The following TULP4 variants were observed in gnomAD, a reference collection of about 807,000 sequenced individuals.
TULP4 encodes the protein tubby-related protein 4.
In TULP4, 16 loss-of-function variants were observed where a neutral mutation model predicts 129.0. That is an observed-to-expected ratio of 0.12 (90% CI 0.08 to 0.19). The LOEUF (loss-of-function observed/expected upper bound fraction) is 0.19. Among genes scored for constraint, TULP4 ranks in the 10% least tolerant of loss-of-function variants. The pLI, the probability that TULP4 is intolerant of heterozygous loss-of-function variation, is 1.00. For missense variants in TULP4, 1,842 were observed against 2,059.1 expected, an observed-to-expected ratio of 0.89 and a Z score of 2.04; for synonymous variants, 998 against 854.0, an observed-to-expected ratio of 1.17 and a Z score of -2.94.
At chr6:158,309,438 C>A (rs1237930892), upstream of TULP4, among the ~76,000 whole-genome samples, 64 of 147,442 alleles carry the variant, frequency 4.3e-4, no homozygotes, top group Admixed American at 1.1e-3. Context: ...CTCCTCACGT[C>A]CCAGACGATG....
At chr6:158,396,804 G>A (rs1014982817) in intron 1 of TULP4, among the ~76,000 whole-genome samples, 3 of 152,122 alleles carry the variant, frequency 2.0e-5, no homozygotes, top group Non-Finnish European at 4.4e-5. Flanking sequence ...AAGGAGGAAA[G>A]GTTTAACTTC....
At chr6:158,447,201 TC>T (rs1482548912) in intron 3 of TULP4, among the ~76,000 whole-genome samples, 1 of 152,226 alleles carries the variant, frequency 6.6e-6, no homozygotes, top group African/African-American at 2.4e-5. Context: ...TTCCAGGATT[TC>T]AGCAGGTCCG....
At chr6:158,327,364 C>A (rs984958744) in intron 1 of TULP4, among the ~76,000 whole-genome samples, 16 of 152,156 alleles carry the variant, frequency 1.1e-4, no homozygotes, top group African/African-American at 3.6e-4. Flanking sequence ...AGTTCCAGGG[C>A]TTTTTGGTTG....
At chr6:158,260,260 G>A (rs1055647059) in intron 1 of TULP4, among the ~76,000 whole-genome samples, 12 of 152,092 alleles carry the variant, frequency 7.9e-5, no homozygotes, top group African/African-American at 1.9e-4. Context: ...AAGAGTTTTC[G>A]GAGTTCTGTG....
intron 1 of TULP4, among the ~76,000 whole-genome samples, chr6:158,367,225 G>A (rs948804605): frequency 1.3e-5 from 2 of 152,176 alleles, no homozygotes; most frequent in African/African-American, 4.8e-5. Context: ...GGGCACTGAG[G>A]ACTCATTTGT....
chr6:158,281,276 C>T (rs9356565), upstream of TULP4, among the ~76,000 whole-genome samples: 49,308 of 150,628 alleles, frequency 0.33, 9,057 homozygotes, highest in Admixed American at 0.45. Context: ...TGCAGTGGCA[C>T]GATCTCTGCT....
chr6:158,365,671 C>T (rs1780924875), intron 1 of TULP4, among the ~76,000 whole-genome samples: 1 of 151,212 alleles, frequency 6.6e-6, no homozygotes, highest in Non-Finnish European at 1.5e-5. Context: ...GGGGGTTTCA[C>T]CATGTTAGCC....
chr6:158,350,302 G>A (rs1290836621), intron 1 of TULP4, among the ~76,000 whole-genome samples: 4 of 138,416 alleles, frequency 2.9e-5, no homozygotes, highest in Admixed American at 7.4e-5. Flanking sequence ...AGGCAGAGAC[G>A]CTGCTCACTT....
At chr6:158,252,186 G>A (rs182731053) in intron 1 of TULP4, among the ~76,000 whole-genome samples, 45 of 152,140 alleles carry the variant, frequency 3.0e-4, no homozygotes, top group Admixed American at 2.0e-3. Context: ...TTTCATGGTT[G>A]GTTGCCTTGT....
At chr6:158,411,320 T>TG (rs1469577787) in intron 1 of TULP4, among the ~76,000 whole-genome samples, 2 of 151,982 alleles carry the variant, frequency 1.3e-5, no homozygotes, top group Non-Finnish European at 2.9e-5. Flanking sequence ...CACAGACCTG[T>TG]GGGGGGTGGG....
At chr6:158,441,079 G>T (rs983346397) in intron 3 of TULP4, among the ~76,000 whole-genome samples, 14 of 152,160 alleles carry the variant, frequency 9.2e-5, no homozygotes, top group African/African-American at 3.4e-4. Context: ...CACTTTGGGA[G>T]GCTGAGGGGG....
intron 3 of TULP4, among the ~76,000 whole-genome samples, chr6:158,433,685 A>T (rs1778686847): frequency 6.6e-6 from 1 of 152,226 alleles, no homozygotes; most frequent in South Asian, 2.1e-4. Flanking sequence ...CCAGCCTGGT[A>T]ACAAGAGGGA....
chr6:158,345,226 C>T (rs1780272802), intron 1 of TULP4, among the ~76,000 whole-genome samples: 1 of 152,202 alleles, frequency 6.6e-6, no homozygotes, highest in Admixed American at 6.5e-5. Flanking sequence ...TGGCTCACTG[C>T]AGCCTCAAAC....
At chr6:158,450,631 G>C (rs1779143602) in intron 4 of TULP4, among the ~76,000 whole-genome samples, 1 of 151,854 alleles carries the variant, frequency 6.6e-6, no homozygotes, top group South Asian at 2.1e-4. Flanking sequence ...GAGAAGTGTT[G>C]GTCATATTTC....
At chr6:158,330,763 G>T (rs998212299) in intron 1 of TULP4, among the ~76,000 whole-genome samples, 2 of 152,112 alleles carry the variant, frequency 1.3e-5, no homozygotes, top group African/African-American at 4.8e-5. Context: ...ACCACACACT[G>T]CATTTAGTTG....
intron 1 of TULP4, among the ~76,000 whole-genome samples, chr6:158,253,261 C>T (rs1002474974): frequency 6.6e-6 from 1 of 152,216 alleles, no homozygotes; most frequent in Non-Finnish European, 1.5e-5. Flanking sequence ...TATTCCTATA[C>T]ATCACCCTCC....
intron 1 of TULP4, among the ~76,000 whole-genome samples, chr6:158,267,208 TG>T (rs900770322): frequency 3.3e-5 from 5 of 152,242 alleles, no homozygotes; most frequent in African/African-American, 1.2e-4. Context: ...CCCATTCATC[TG>T]GGTTTTTTTC....
At chr6:158,302,286 G>A (rs1185069950) in intron 1 of TULP4, among the ~76,000 whole-genome samples, 2 of 152,128 alleles carry the variant, frequency 1.3e-5, no homozygotes, top group Non-Finnish European at 2.9e-5. Context: ...TACAGTAAAA[G>A]CAAATTTTTC....
At chr6:158,239,954 C>T (rs1258290673) in intron 1 of TULP4, among the ~76,000 whole-genome samples, 4 of 87,212 alleles carry the variant, frequency 4.6e-5, no homozygotes, top group East Asian at 8.6e-4. Context: ...TGACCCCCCC[C>T]ACCTCCCTCC....
Sources: allele counts gnomAD v4.1 joint callset (sites outside exome capture counted in the v4.1 genomes callset), GRCh38; gene constraint gnomAD v4.1.1; transcripts MANE v1.5; gene names NCBI Gene and HGNC (gene_info 2026-07-23, HGNC 2026-07-21).